Variants in RHOJ observed in about 807,000 individuals in gnomAD.
The protein encoded by RHOJ is rho-related GTP-binding protein RhoJ.
A neutral mutation model predicts 23.4 loss-of-function variants in RHOJ; 11 were observed. The observed-to-expected ratio is 0.47, with a 90% CI of 0.30 to 0.78. RHOJ has a LOEUF of 0.78. RHOJ is among the 30% of genes least tolerant of loss of function. The probability of loss-of-function intolerance (pLI) is 0.08; values close to 1 mark genes in which losing one functional copy is unlikely to be tolerated. For synonymous variants in RHOJ, 102 were observed against 102.7 expected, an observed-to-expected ratio of 0.99 and a Z score of 0.04; for missense variants, 254 against 273.4, an observed-to-expected ratio of 0.93 and a Z score of 0.50.
At chr14:63,225,748 T>G (rs906872444) in intron 1 of RHOJ, among the ~76,000 whole-genome samples, 1 of 152,168 alleles carries the variant, frequency 6.6e-6, no homozygotes, top group African/African-American at 2.4e-5. Context: ...TGTTGTCAGG[T>G]CTCAGAAATG....
chr14:63,262,419 G>A (rs1291487749), intron 1 of RHOJ, among the ~76,000 whole-genome samples: 4 of 152,218 alleles, frequency 2.6e-5, no homozygotes, highest in African/African-American at 9.7e-5. Flanking sequence ...AGACAAGAGA[G>A]TAAAGAGTTT....
In RHOJ at chr14:63,291,095, G is replaced by A; in HGVS notation, c.*71G>A. On this transcript the variant is annotated 3_prime_UTR_variant, in exon 5 of 5. Coordinates refer to ENST00000316754, the MANE Select transcript of RHOJ (RefSeq NM_020663.5). ...AGCCAATCTCTGTGGCCAAGCTCCA[G>A]CCAAAAAGGAGGGCACGACCAGAAA... The A allele has an allele frequency of 1.3e-6, 2 of 1,575,820 alleles. No homozygotes were observed. Among genetic ancestry groups the A allele is most frequent in the South Asian group, 1.1e-5 (1 of 90,242 alleles).
chr14:63,232,013 C>T (rs1162711527), intron 1 of RHOJ, among the ~76,000 whole-genome samples: 1 of 152,134 alleles, frequency 6.6e-6, no homozygotes, highest in Non-Finnish European at 1.5e-5. Flanking sequence ...GTGACAGTCT[C>T]TTCATAAGGA....
In RHOJ at chr14:63,284,371, T is replaced by C. The variant is rs561610170; in HGVS notation, c.498+1155T>C. 4.2e-5 allele frequency: 41 copies of C among 984,588 alleles called. No homozygotes were observed. In the East Asian group the frequency reaches 4.0e-3, roughly 95 times the overall value. The allele number at this position is 984,588 out of a possible 1,614,324, so 61.0% of individuals were successfully genotyped here. ...AATACTAACTAGCGCCAGACGTCCA[T>C]GGAGTCCTTAGGATCCTAAGTACTT... On this transcript the variant is annotated intron_variant, in intron 4 of 4. Transcript: ENST00000316754.
Position 63,213,494 on chromosome 14 carries a change from T to G in RHOJ, c.178+8447T>G, listed in dbSNP as rs368415365. Among the ~76,000 whole-genome samples, 74 of 152,376 alleles carry G rather than the reference T, an allele frequency of 4.9e-4. 1 individual carries two copies. In the East Asian group the frequency reaches 5.0e-3, roughly 10 times the overall value. On this transcript the variant is annotated intron_variant, in intron 1 of 4. Transcript: ENST00000316754. ...ATTCTTTTTAATGGCTACATAGGAT[T>G]CTGTGTTGTATATGTACCACATTTT...
At chr14:63,206,182 A>G (rs1894105236) in intron 1 of RHOJ, among the ~76,000 whole-genome samples, 1 of 152,130 alleles carries the variant, frequency 6.6e-6, no homozygotes, top group South Asian at 2.1e-4. Flanking sequence ...TTCCCCCTAC[A>G]CTTACATGAT....
intron 1 of RHOJ, among the ~76,000 whole-genome samples, chr14:63,263,199 T>G (rs1895303028): frequency 6.6e-6 from 1 of 152,202 alleles, no homozygotes; most frequent in South Asian, 2.1e-4. Flanking sequence ...CAGTGATGAA[T>G]AGCAATGATA....
rs1462135083 is a variant in RHOJ at position 63,265,586 on chromosome 14, A to T, written c.179-3524A>T. 2.0e-5 allele frequency among the ~76,000 whole-genome samples: 3 copies of T among 152,268 alleles called. No homozygotes were observed. The East Asian group carries it at 5.8e-4, about 29-fold the overall frequency. ...GACATTGGTAGTATCAATGATAAAA[A>T]GTCAAACTTTGTAAAATATTTGAAG... is the stretch of plus-strand genomic sequence containing the variant. On this transcript the variant is annotated intron_variant, in intron 1 of 4. Coordinates refer to ENST00000316754, the MANE Select transcript of RHOJ (RefSeq NM_020663.5).
At chr14:63,230,841 C>CTTTT (rs57848893) in intron 1 of RHOJ, among the ~76,000 whole-genome samples, 1,448 of 95,220 alleles carry the variant, frequency 0.015, 245 homozygotes, top group East Asian at 0.088. Flanking sequence ...GGGTACAAGG[C>CTTTT]TTTTTTTTTT....
chr14:63,224,959 T>C (rs1319410949), intron 1 of RHOJ, among the ~76,000 whole-genome samples: 6 of 150,830 alleles, frequency 4.0e-5, no homozygotes, highest in Non-Finnish European at 4.4e-5. Context: ...TACTTTTTTT[T>C]TTTTTTTTTT....
At chr14:63,209,457 G>A (rs1894185163) in intron 1 of RHOJ, among the ~76,000 whole-genome samples, 1 of 151,800 alleles carries the variant, frequency 6.6e-6, no homozygotes, top group Non-Finnish European at 1.5e-5. Context: ...TGAAGAGTTT[G>A]TACTTGCTTT....
rs1881885499 is a variant in RHOJ at position 63,281,148 on chromosome 14, G to T, written c.402+13G>T. On this transcript the variant is annotated intron_variant, in intron 3 of 4. Transcript: ENST00000316754. ...CATAGGGACCCAGGTTAAAATGTGGGCGATGGCAGGGTGGAGCGGGCTGCA... is the reference window on the plus strand; with the variant it reads ...CATAGGGACCCAGGTTAAAATGTGGTCGATGGCAGGGTGGAGCGGGCTGCA... 1 of 1,596,572 alleles carries T rather than the reference G, an allele frequency of 6.3e-7. No homozygotes were observed. The highest frequency in any genetic ancestry group is 1.8e-5 in the Admixed American group (1 of 57,054).
intron 1 of RHOJ, among the ~76,000 whole-genome samples, chr14:63,262,076 A>G (rs946017631): frequency 1.3e-5 from 2 of 152,162 alleles, no homozygotes; most frequent in African/African-American, 4.8e-5. Context: ...AGGCGTCCCT[A>G]TAACTGACCT....
At chr14:63,259,198 A>G (rs776545357) in intron 1 of RHOJ, among the ~76,000 whole-genome samples, 19 of 152,212 alleles carry the variant, frequency 1.2e-4, no homozygotes, top group Non-Finnish European at 2.2e-4. Flanking sequence ...TCAGCCTTAA[A>G]TGCTTTTAAA....
chr14:63,213,034 G>A (rs1445068428), intron 1 of RHOJ, among the ~76,000 whole-genome samples: 3 of 152,180 alleles, frequency 2.0e-5, no homozygotes, highest in Non-Finnish European at 4.4e-5. Context: ...TTAGGTTTTT[G>A]TAATGATGGC....
chr14:63,252,720 C>T (rs1158716812), intron 1 of RHOJ, among the ~76,000 whole-genome samples: 1 of 152,178 alleles, frequency 6.6e-6, no homozygotes, highest in Non-Finnish European at 1.5e-5. Flanking sequence ...CCTCACTCCT[C>T]CATGCCTTCC....
intron 2 of RHOJ, among the ~76,000 whole-genome samples, chr14:63,279,670 G>GA (rs1282186819): frequency 6.6e-6 from 1 of 152,134 alleles, no homozygotes; most frequent in Admixed American, 6.5e-5. Context: ...ATTCTGCTCT[G>GA]AAAAATCTTT....
chr14:63,225,473 G>A (rs1228755667), intron 1 of RHOJ, among the ~76,000 whole-genome samples: 2 of 152,120 alleles, frequency 1.3e-5, no homozygotes, highest in Non-Finnish European at 2.9e-5. Context: ...CGTACTGAGA[G>A]TTTCTGAAAA....
chr14:63,261,365 T>A (rs1330499239), intron 1 of RHOJ, among the ~76,000 whole-genome samples: 1 of 152,164 alleles, frequency 6.6e-6, no homozygotes, highest in African/African-American at 2.4e-5. Flanking sequence ...AAGTTATCTT[T>A]TCTATAGGAC....
Sources: gnomAD v4.1 joint callset for allele counts (sites outside exome capture counted in the v4.1 genomes callset) on GRCh38, gnomAD v4.1.1 for gene constraint, MANE v1.5 for transcripts, NCBI Gene and HGNC (gene_info 2026-07-23, HGNC 2026-07-21) for gene names.